PTGR2: variants seen among roughly 807,000 people sequenced by gnomAD.
PTGR2 encodes prostaglandin reductase 2, also known as 15-oxoprostaglandin 13-reductase.
In PTGR2, 32 loss-of-function variants were observed where a neutral mutation model predicts 43.4. The observed-to-expected ratio is 0.74, with a 90% CI of 0.56 to 0.99. PTGR2 has a LOEUF of 0.99. Ranked by LOEUF, PTGR2 falls within the 50% of genes least tolerant of loss-of-function variation. The probability of loss-of-function intolerance (pLI) is 0.00; values close to 1 mark genes in which losing one functional copy is unlikely to be tolerated. For missense variants in PTGR2, 373 were observed against 420.0 expected, an observed-to-expected ratio of 0.89 and a Z score of 0.98; for synonymous variants, 106 against 139.2, an observed-to-expected ratio of 0.76 and a Z score of 1.68.
At chr14:73,863,382 C>G (rs998756440) in intron 3 of PTGR2, among the ~76,000 whole-genome samples, 2 of 152,104 alleles carry the variant, frequency 1.3e-5, no homozygotes, top group African/African-American at 4.8e-5. Flanking sequence ...AATCATAGCT[C>G]ACGGCTGCCT....
In PTGR2 at chr14:73,879,131, A is replaced by G. The variant is rs1284211603; in HGVS notation, c.555A>G (p.Gly185=). 1.2e-6 allele frequency: 2 copies of G among 1,614,148 alleles called. No individual in the cohort carries two copies. Among genetic ancestry groups the G allele is most frequent in the Non-Finnish European group, 1.7e-6 (2 of 1,180,028 alleles). ...TCTTAGGTTGTTCCAGAGTGGTGGGAATTTGTGGAACACATGAGAAATGCA... is the reference window on the plus strand; with the variant it reads ...TCTTAGGTTGTTCCAGAGTGGTGGGGATTTGTGGAACACATGAGAAATGCA... ...GHFLGCSRVV[G]ICGTHEKCIL... is the part of the protein sequence containing the mutation. Residue 185 remains glycine, a synonymous_variant, in exon 6 of 10, where the codon GGA becomes GGG. Coordinates refer to ENST00000555661, the MANE Select transcript of PTGR2 (RefSeq NM_001146154.2).
intron 1 of PTGR2, chr14:73,858,216 T>C (rs2054406439): frequency 6.6e-6 from 1 of 152,232 alleles, no homozygotes; most frequent in Non-Finnish European, 1.5e-5. Flanking sequence ...CATGATGGTG[T>C]GCTTGAAGAT....
Position 73,884,696 on chromosome 14 carries a change from G to C in PTGR2, c.*519G>C, listed in dbSNP as rs1226365912. The C allele has an allele frequency of 6.6e-6, 1 of 152,578 alleles. No homozygotes were observed. Among genetic ancestry groups the C allele is most frequent in the Admixed American group, 6.6e-5 (1 of 15,254 alleles). 9.5% of individuals were successfully genotyped at this position (152,578 alleles called of 1,614,324 possible). ...GAAAAGAGACTTAATGGTATGATGT[G>C]TACATAGGGACTGGGGGCAGGATTG... On this transcript the variant is annotated 3_prime_UTR_variant, in exon 10 of 10. Coordinates refer to ENST00000555661, the MANE Select transcript of PTGR2 (RefSeq NM_001146154.2).
intron 1 of PTGR2, among the ~76,000 whole-genome samples, chr14:73,854,587 A>AACAAATATGTT (rs2054301709): frequency 6.6e-6 from 1 of 152,238 alleles, no homozygotes; most frequent in Non-Finnish European, 1.5e-5. Context: ...ATACATATTA[A>AACAAATATGTT]TATGTTAAAC....
rs1378468203 is a variant in PTGR2 at position 73,851,883 on chromosome 14, C to T, written c.-108C>T. The T allele has an allele frequency of 6.6e-6, 1 of 152,248 alleles. No homozygotes were observed. Among genetic ancestry groups the T allele is most frequent in the Non-Finnish European group, 1.5e-5 (1 of 68,104 alleles). 9.4% of individuals were successfully genotyped at this position (152,248 alleles called of 1,614,324 possible). Reference sequence around the variant, plus strand: ...CCGAGGCCTGGGGGCGAGCTGGGGTCGTGCAGTACAGCCTCTTTCCGGCAA... The same window carrying T: ...CCGAGGCCTGGGGGCGAGCTGGGGTTGTGCAGTACAGCCTCTTTCCGGCAA... On this transcript the variant is annotated 5_prime_UTR_variant, in exon 1 of 10. Coordinates refer to ENST00000555661, the MANE Select transcript of PTGR2 (RefSeq NM_001146154.2).
intron 5 of PTGR2, chr14:73,878,849 G>T: frequency 4.4e-6 from 2 of 455,562 alleles, no homozygotes; most frequent in African/African-American, 2.0e-5. Context: ...GGTTTTATTG[G>T]GACATATCCC....
chr14:73,871,341 CTTTTTTTTTTT>C (rs869073652), intron 3 of PTGR2, among the ~76,000 whole-genome samples: 6 of 67,878 alleles, frequency 8.8e-5, no homozygotes, highest in South Asian at 6.3e-4. Context: ...GGCTGTTCAT[CTTTTTTTTTTT>C]TTTTTTTTTT....
At position 73,884,821 on chromosome 14, in the gene PTGR2, A is replaced by C. The variant is rs1291425645; in HGVS notation, c.*644A>C. 2 of 152,180 alleles carry C rather than the reference A, an allele frequency of 1.3e-5. No homozygotes were observed. Among genetic ancestry groups the C allele is most frequent in the African/African-American group, 2.4e-5 (1 of 41,410 alleles). The allele number at this position is 152,180 out of a possible 1,614,324, so 9.4% of individuals were successfully genotyped here. A position where few individuals can be genotyped will look rare whatever the true frequency, so the allele number is the denominator to read the frequency against. On this transcript the variant is annotated 3_prime_UTR_variant, in exon 10 of 10. Coordinates refer to ENST00000555661, the MANE Select transcript of PTGR2 (RefSeq NM_001146154.2). ...TAAATAACTTAGGTTGGTTAAGTTG[A>C]CAAGATTTACTCCAGAGGATCATCT...
chr14:73,862,312 A>G (rs1370426480), intron 3 of PTGR2, among the ~76,000 whole-genome samples: 2 of 151,824 alleles, frequency 1.3e-5, no homozygotes, highest in African/African-American at 4.8e-5. Context: ...GGTTCACGCC[A>G]TTCTCCTGCC....
Position 73,867,465 on chromosome 14 carries a change from C to A in PTGR2, c.157-6558C>A, listed in dbSNP as rs2054629218. On this transcript the variant is annotated intron_variant, in intron 3 of 9. Coordinates refer to ENST00000555661, the MANE Select transcript of PTGR2 (RefSeq NM_001146154.2). ...TGATCCATGAATGCATGATGTCTTT[C>A]TACTTATTTGGGTGTTCATTAATTT... Among the ~76,000 whole-genome samples the A allele has an allele frequency of 2.0e-5, 3 of 151,680 alleles. No homozygotes were observed. The South Asian group carries it at 6.2e-4, about 31-fold the overall frequency.
intron 9 of PTGR2, 144 bp from the exon 10 acceptor site, chr14:73,883,957 T>C (rs1360898343): frequency 1.6e-6 from 1 of 622,740 alleles, no homozygotes; most frequent in Non-Finnish European, 2.8e-6. Context: ...ACTTGAGATT[T>C]CTTTTCATGA....
rs1402818299 is a variant in PTGR2 at position 73,881,214 on chromosome 14, T to G, written c.861T>G (p.Phe287Leu). Residue 287 changes from phenylalanine (F) to leucine (L), a missense_variant, in exon 8 of 10, where the codon TTT becomes TTG. By Grantham distance (22) the Phe-to-Leu change is conservative. Coordinates refer to ENST00000555661, the MANE Select transcript of PTGR2 (RefSeq NM_001146154.2). ...QKERNITRER[F>L]LVLNYKDKFE... ...TTCTTCCTCACTGCAGGGAAAGATTTCTGGTATTAAATTATAAAGACAAAT... is the reference window on the plus strand; with the variant it reads ...TTCTTCCTCACTGCAGGGAAAGATTGCTGGTATTAAATTATAAAGACAAAT... The G allele has an allele frequency of 1.2e-6, 2 of 1,600,588 alleles. No homozygotes were observed. The highest frequency in any genetic ancestry group is 2.2e-5 in the South Asian group (2 of 90,744).
chr14:73,870,336 G>A (rs2054699508), intron 3 of PTGR2, among the ~76,000 whole-genome samples: 1 of 151,036 alleles, frequency 6.6e-6, no homozygotes, highest in Non-Finnish European at 1.5e-5. Flanking sequence ...CTGCCACCAC[G>A]CCCAGCTAAT....
At chr14:73,863,754 A>G (rs1227798202) in intron 3 of PTGR2, among the ~76,000 whole-genome samples, 3 of 151,904 alleles carry the variant, frequency 2.0e-5, no homozygotes. Context: ...AGCTGGGATT[A>G]ACAGGCGTGC....
chr14:73,859,456 TA>T (rs1162009144), intron 2 of PTGR2, among the ~76,000 whole-genome samples: 3 of 152,058 alleles, frequency 2.0e-5, no homozygotes, highest in Non-Finnish European at 2.9e-5. Flanking sequence ...CTATGAAGAG[TA>T]AATTTGCATT....
chr14:73,859,713 T>C (rs562865785), intron 2 of PTGR2, among the ~76,000 whole-genome samples: 1 of 151,862 alleles, frequency 6.6e-6, no homozygotes, highest in Non-Finnish European at 1.5e-5. Flanking sequence ...TAAGTTTCTA[T>C]TTGCTTCTTA....
At chr14:73,878,402 A>G (rs1321414787) in intron 5 of PTGR2, 2 of 152,244 alleles carry the variant, frequency 1.3e-5, no homozygotes, top group African/African-American at 4.8e-5. Flanking sequence ...GTGAAAGCCA[A>G]AAATTGTGAG....
At chr14:73,870,454 A>G (rs28700106) in intron 3 of PTGR2, among the ~76,000 whole-genome samples, 295 of 152,264 alleles carry the variant, frequency 1.9e-3, no homozygotes, top group African/African-American at 6.9e-3. Context: ...TGCTGGGATT[A>G]CAGACATGAG....
In PTGR2 at chr14:73,879,645, T is replaced by TTGTGTAGAGA. The variant is rs11281736; in HGVS notation, c.729+340_729+341insTGTGTAGAGA. On this transcript the variant is annotated intron_variant, in intron 6 of 9. Transcript: ENST00000555661. ...CAACTCACAGCCATGGCCCCAGACC[T>TTGTGTAGAGA]ATGGGTTTCATAGGCTGCATGTATT... 1.3e-5 allele frequency: 4 copies of TTGTGTAGAGA among 299,668 alleles called. No individual in the cohort carries two copies. The South Asian group carries it at 1.8e-4, about 13-fold the overall frequency. 18.6% of individuals were successfully genotyped at this position (299,668 alleles called of 1,614,324 possible).
Sources: allele counts gnomAD v4.1 joint callset (sites outside exome capture counted in the v4.1 genomes callset), GRCh38; gene constraint gnomAD v4.1.1; transcripts MANE v1.5; gene names NCBI Gene and HGNC (gene_info 2026-07-23, HGNC 2026-07-21).